The following CACNA2D3 variants were observed in gnomAD, a reference collection of about 807,000 sequenced individuals.
CACNA2D3 encodes calcium voltage-gated channel auxiliary subunit alpha2delta 3, also known as voltage-dependent calcium channel subunit alpha-2/delta-3.
In CACNA2D3, 60 loss-of-function variants were observed where a neutral mutation model predicts 160.6. The observed-to-expected ratio is 0.37, with a 90% confidence interval of 0.30 to 0.46. CACNA2D3 has a LOEUF of 0.46. Among genes scored for constraint, CACNA2D3 ranks in the 20% least tolerant of loss-of-function variants. CACNA2D3 has a pLI of 1.00. For missense variants in CACNA2D3, 1,205 were observed against 1,365.0 expected (o/e 0.88, Z 1.85); for synonymous variants, 558 against 492.9 (o/e 1.13, Z -1.75).
chr3:55,005,699 C>T (rs1425573027), intron 32 of CACNA2D3, among the ~76,000 whole-genome samples: 1 of 152,082 alleles, frequency 6.6e-6, no homozygotes, highest in Non-Finnish European at 1.5e-5. Context: ...ACCACTTACT[C>T]CCAAATTAAA....
intron 13 of CACNA2D3, among the ~76,000 whole-genome samples, chr3:54,766,428 C>T (rs1184229323): frequency 6.6e-6 from 1 of 152,178 alleles, no homozygotes; most frequent in Non-Finnish European, 1.5e-5. Context: ...TACCATTTCA[C>T]ACCCATCAGA....
At chr3:54,151,381 G>T (rs1365419969) in intron 2 of CACNA2D3, among the ~76,000 whole-genome samples, 1 of 150,714 alleles carries the variant, frequency 6.6e-6, no homozygotes, top group Non-Finnish European at 1.5e-5. Context: ...ACAGGTGGAT[G>T]AGTAGATGGA....
chr3:54,662,407 C>T (rs1383079396), intron 11 of CACNA2D3, among the ~76,000 whole-genome samples: 1 of 152,152 alleles, frequency 6.6e-6, no homozygotes, highest in East Asian at 1.9e-4. Context: ...AGCCACAGTC[C>T]TAATAGATTA....
chr3:54,742,703 C>T (rs1575452580), intron 11 of CACNA2D3, among the ~76,000 whole-genome samples: 1 of 152,216 alleles, frequency 6.6e-6, no homozygotes, highest in Non-Finnish European at 1.5e-5. Context: ...CTTTTCCCTA[C>T]TAGGGAATCC....
intron 27 of CACNA2D3, among the ~76,000 whole-genome samples, chr3:54,912,156 T>C (rs747678039): frequency 3.3e-5 from 5 of 152,216 alleles, no homozygotes; most frequent in Non-Finnish European, 7.3e-5. Context: ...GGCTTCTCCG[T>C]AGGGTAGCTC....
At chr3:54,809,443 C>T (rs1703236498) in intron 13 of CACNA2D3, among the ~76,000 whole-genome samples, 3 of 143,368 alleles carry the variant, frequency 2.1e-5, no homozygotes, top group Admixed American at 6.9e-5. Context: ...CTCAGCCTCC[C>T]GAGTAGCTGG....
chr3:54,370,253 G>C (rs967787574), intron 3 of CACNA2D3, among the ~76,000 whole-genome samples: 3 of 152,094 alleles, frequency 2.0e-5, no homozygotes, highest in South Asian at 2.1e-4. Context: ...GATGCCATCA[G>C]ACTTACAGTT....
intron 11 of CACNA2D3, among the ~76,000 whole-genome samples, chr3:54,645,469 G>A (rs1365683699): frequency 6.6e-6 from 1 of 152,194 alleles, no homozygotes; most frequent in Admixed American, 6.5e-5. Flanking sequence ...TGACAAGGCC[G>A]CTGCTGGCGC....
intron 4 of CACNA2D3, among the ~76,000 whole-genome samples, chr3:54,472,857 C>T (rs976118943): frequency 1.3e-5 from 2 of 152,174 alleles, no homozygotes; most frequent in Admixed American, 6.5e-5. Context: ...TCAAGGAGAA[C>T]TACAAACCAC....
At chr3:54,363,526 T>G (rs1387834203) in intron 3 of CACNA2D3, among the ~76,000 whole-genome samples, 6 of 152,176 alleles carry the variant, frequency 3.9e-5, no homozygotes, top group African/African-American at 1.4e-4. Context: ...TCTTGCACAT[T>G]TTTTCTTGCT....
intron 4 of CACNA2D3, among the ~76,000 whole-genome samples, chr3:54,414,632 CCT>C (rs370832788): frequency 9.9e-5 from 15 of 152,088 alleles, no homozygotes; most frequent in African/African-American, 3.6e-4. Context: ...TGGAAAAACT[CCT>C]ATATCTTTTC....
At chr3:54,984,711 G>A (rs1399046780) in intron 30 of CACNA2D3, 41 bp downstream of exon 30, 1 of 1,281,994 alleles carries the variant, frequency 7.8e-7, no homozygotes, top group Non-Finnish European at 1.1e-6. Flanking sequence ...AAGGATCTCA[G>A]AATGTGCTTG....
At chr3:54,421,187 T>C (rs1699831655) in intron 4 of CACNA2D3, among the ~76,000 whole-genome samples, 1 of 152,204 alleles carries the variant, frequency 6.6e-6, no homozygotes, top group South Asian at 2.1e-4. Context: ...AACATATCTA[T>C]AATTGGCAGC....
At chr3:54,462,093 G>A (rs1700516239) in intron 4 of CACNA2D3, among the ~76,000 whole-genome samples, 1 of 152,106 alleles carries the variant, frequency 6.6e-6, no homozygotes, top group Non-Finnish European at 1.5e-5. Flanking sequence ...GGTTTTGAGT[G>A]AGTTTCTTAA....
intron 27 of CACNA2D3, among the ~76,000 whole-genome samples, chr3:54,941,751 T>G (rs954943999): frequency 1.3e-5 from 2 of 152,204 alleles, no homozygotes; most frequent in African/African-American, 4.8e-5. Context: ...CGCATGGATG[T>G]CTTTGACCTC....
At chr3:54,540,119 G>A (rs1327812879) in intron 5 of CACNA2D3, among the ~76,000 whole-genome samples, 4 of 152,150 alleles carry the variant, frequency 2.6e-5, no homozygotes, top group Non-Finnish European at 5.9e-5. Flanking sequence ...TGGTGGCCGG[G>A]CTATTGAACA....
intron 11 of CACNA2D3, among the ~76,000 whole-genome samples, chr3:54,723,908 C>G (rs1701225073): frequency 6.6e-6 from 1 of 152,162 alleles, no homozygotes; most frequent in Non-Finnish European, 1.5e-5. Context: ...GGATCAAATT[C>G]ACACATAACA....
chr3:54,725,432 A>T (rs1256466103), intron 11 of CACNA2D3, among the ~76,000 whole-genome samples: 1 of 152,240 alleles, frequency 6.6e-6, no homozygotes, highest in Non-Finnish European at 1.5e-5. Flanking sequence ...CATCATCCTG[A>T]TACCAAAACC....
intron 13 of CACNA2D3, among the ~76,000 whole-genome samples, chr3:54,789,276 T>TA (rs1372705211): frequency 2.0e-5 from 3 of 152,302 alleles, no homozygotes; most frequent in Middle Eastern, 3.4e-3. Context: ...ATATGTGTTT[T>TA]AAAAAAACTG....
Sources: allele counts gnomAD v4.1 joint callset (sites outside exome capture counted in the v4.1 genomes callset), GRCh38; gene constraint gnomAD v4.1.1; transcripts MANE v1.5; gene names NCBI Gene and HGNC (gene_info 2026-07-23, HGNC 2026-07-21).